The following SLIT1 variants were observed in gnomAD, a reference collection of about 807,000 sequenced individuals.
SLIT1 encodes the protein slit homolog 1 protein.
SLIT1 carries 66 observed loss-of-function variants against 186.1 expected under a neutral mutation model. The observed-to-expected ratio is 0.35, with a 90% CI of 0.29 to 0.44. The LOEUF is 0.44. Among genes scored for constraint, SLIT1 ranks in the 20% least tolerant of loss-of-function variants. The pLI is 1.00. For synonymous variants in SLIT1, 761 were observed against 833.8 expected (o/e 0.91, Z 1.50); for missense variants, 1,638 against 2,037.4 (o/e 0.80, Z 3.77).
chr10:97,116,201 A>T (rs1391631015), intron 4 of SLIT1, among the ~76,000 whole-genome samples: 1 of 152,174 alleles, frequency 6.6e-6, no homozygotes, highest in Non-Finnish European at 1.5e-5. Context: ...CTTCATTATG[A>T]TGAGGAAGGA....
rs554933018 is a variant in SLIT1, at chr10:97,150,075, G to A, written c.413+7743C>T. On this transcript the variant is annotated intron_variant, in intron 4 of 36. Transcript: ENST00000266058. ...GCTAGTGAAATTCCTTTCTGGGAAA[G>A]GGAAGTCTAAGGAGTGATGGACCGC... Among the ~76,000 whole-genome samples, 873 of 152,278 alleles carry A rather than the reference G, an allele frequency of 5.7e-3. 1 individual carries two copies. The highest frequency in any genetic ancestry group is 0.01 in the Non-Finnish European group (688 of 68,018).
At chr10:97,018,856 T>C (rs766955159) in intron 27 of SLIT1, 127 bp downstream of exon 27, 1 of 629,878 alleles carries the variant, frequency 1.6e-6, no homozygotes, top group Non-Finnish European at 2.8e-6. Flanking sequence ...TTCATTCATA[T>C]GTTAAGTCAT....
chr10:97,066,300 T>C (rs1281549308), intron 4 of SLIT1, among the ~76,000 whole-genome samples: 1 of 152,176 alleles, frequency 6.6e-6, no homozygotes, highest in East Asian at 1.9e-4. Context: ...AGACACACCA[T>C]GTCCTGGAGG....
At position 97,030,843 on chromosome 10, in the gene SLIT1, G is replaced by C. The variant is rs1350719736; in HGVS notation, c.2511-15C>G. On this transcript the variant is annotated splice_polypyrimidine_tract_variant and intron_variant, in intron 24 of 36. Coordinates refer to ENST00000266058, the MANE Select transcript of SLIT1 (RefSeq NM_003061.3). Reference sequence around the variant, plus strand: ...CGTGGAGAGACCTGAGAAGGGAAGAGGCTGCTGGTGCCTTATCCAGGGACA... The same window carrying C: ...CGTGGAGAGACCTGAGAAGGGAAGACGCTGCTGGTGCCTTATCCAGGGACA... 1 of 1,611,910 alleles carries C rather than the reference G, an allele frequency of 6.2e-7. No homozygotes were observed. Among genetic ancestry groups the C allele is most frequent in the East Asian group, 2.2e-5 (1 of 44,856 alleles).
intron 4 of SLIT1, among the ~76,000 whole-genome samples, chr10:97,133,493 GC>G (rs1421210836): frequency 6.6e-6 from 1 of 152,210 alleles, no homozygotes; most frequent in Non-Finnish European, 1.5e-5. Flanking sequence ...AATGGTGGCT[GC>G]CAGGGACTGG....
intron 4 of SLIT1, among the ~76,000 whole-genome samples, chr10:97,105,409 C>T (rs1849403403): frequency 6.6e-6 from 1 of 152,168 alleles, no homozygotes; most frequent in Non-Finnish European, 1.5e-5. Flanking sequence ...ATAAATGAGG[C>T]CCCAGGAGCA....
intron 4 of SLIT1, among the ~76,000 whole-genome samples, chr10:97,066,795 C>G (rs1325532515): frequency 6.6e-6 from 1 of 152,188 alleles, no homozygotes; most frequent in East Asian, 1.9e-4. Flanking sequence ...CAAGAACAGC[C>G]TAATGCCCAC....
chr10:97,024,282 T>A (rs571619334), intron 25 of SLIT1, among the ~76,000 whole-genome samples: 22 of 152,204 alleles, frequency 1.4e-4, no homozygotes, highest in Non-Finnish European at 2.2e-4. Context: ...CACAATCTTA[T>A]AAAGCAGGCT....
chr10:97,113,223 A>C (rs1181537889), intron 4 of SLIT1, among the ~76,000 whole-genome samples: 1 of 152,076 alleles, frequency 6.6e-6, no homozygotes, highest in Non-Finnish European at 1.5e-5. Flanking sequence ...AGCTCTTCTG[A>C]ACATTTTTCT....
chr10:97,037,098 G>GTGTGTA (rs1491512373), intron 22 of SLIT1, among the ~76,000 whole-genome samples: 98 of 117,820 alleles, frequency 8.3e-4, no homozygotes, highest in African/African-American at 2.9e-3. Context: ...GTGTGTGTGT[G>GTGTGTA]TATGTGTGTG....
intron 18 of SLIT1, among the ~76,000 whole-genome samples, chr10:97,046,000 C>T (rs532153996): frequency 6.6e-6 from 1 of 152,346 alleles, no homozygotes; most frequent in East Asian, 1.9e-4. Context: ...TGCTCCACAG[C>T]CACATGAAGT....
chr10:97,058,047 C>T (rs1004199130), intron 11 of SLIT1: 1 of 717,348 alleles, frequency 1.4e-6, no homozygotes, highest in African/African-American at 1.7e-5. Flanking sequence ...ACAGCAAAGG[C>T]CCTGCAGTGG....
chr10:97,166,567 GAGAGAA>G (rs1263684091), intron 1 of SLIT1, among the ~76,000 whole-genome samples: 1 of 73,880 alleles, frequency 1.4e-5, no homozygotes, highest in African/African-American at 4.9e-5. Flanking sequence ...AAGAGAGAGA[GAGAGAA>G]AGAAAGAAAG....
Position 97,040,128 on chromosome 10 carries a change from A to G in SLIT1, c.2165-8T>C. ...AGCCCCCCTCCTCCTGGCCTAGGGA[A>G]GAAGGCACGAAGCCCCTGTCAGGGA... is the stretch of plus-strand genomic sequence containing the variant. On this transcript the variant is annotated splice_region_variant and splice_polypyrimidine_tract_variant and intron_variant, in intron 20 of 36. Transcript: ENST00000266058. 1 of 1,553,804 alleles carries G rather than the reference A, an allele frequency of 6.4e-7. No individual in the cohort carries two copies. The highest frequency in any genetic ancestry group is 8.7e-7 in the Non-Finnish European group (1 of 1,151,618).
At chr10:97,183,424 T>C (rs987513298) in intron 1 of SLIT1, among the ~76,000 whole-genome samples, 1 of 152,212 alleles carries the variant, frequency 6.6e-6, no homozygotes, top group Non-Finnish European at 1.5e-5. Context: ...GCAATTCCCA[T>C]ACATGATCTT....
intron 4 of SLIT1, 134 bp from the exon 5 acceptor site, chr10:97,066,220 T>G: frequency 1.4e-6 from 1 of 696,662 alleles, no homozygotes; most frequent in Non-Finnish European, 2.6e-6. Context: ...CCCCAGCACC[T>G]AGGACAGTGC....
chr10:97,066,955 T>TGTG (rs57357645), intron 4 of SLIT1, among the ~76,000 whole-genome samples: 2,145 of 152,056 alleles, frequency 0.014, 47 homozygotes, highest in African/African-American at 0.045. Context: ...CTGGGCTGGC[T>TGTG]GTGGTGGGTG....
chr10:97,051,259 T>C (rs1277011408), intron 13 of SLIT1, among the ~76,000 whole-genome samples: 3 of 26,070 alleles, frequency 1.2e-4, no homozygotes, highest in Non-Finnish European at 3.4e-4. Context: ...AGAATCAAAA[T>C]GCAAAAAAAA....
At chr10:97,029,958 G>A (rs796507141) in intron 25 of SLIT1, among the ~76,000 whole-genome samples, 20 of 152,258 alleles carry the variant, frequency 1.3e-4, no homozygotes, top group African/African-American at 3.9e-4. Flanking sequence ...AGCACGCATC[G>A]GAACTTCATC....
Sources: allele counts gnomAD v4.1 joint callset (sites outside exome capture counted in the v4.1 genomes callset), GRCh38; gene constraint gnomAD v4.1.1; transcripts MANE v1.5; gene names NCBI Gene and HGNC (gene_info 2026-07-23, HGNC 2026-07-21).